The following TRPV1 variants were observed in gnomAD, a reference collection of about 807,000 sequenced individuals.
TRPV1 encodes the protein OTRPC1.
Under a neutral mutation model 82.3 loss-of-function variants are expected in TRPV1, and 82 were observed. The observed-to-expected ratio is 1.00, with a 90% confidence interval of 0.83 to 1.20. The LOEUF is 1.20. Ranked by LOEUF, TRPV1 falls within the 50% of genes most tolerant of loss-of-function variation. The pLI, the probability that TRPV1 is intolerant of heterozygous loss-of-function variation, is 0.00. For missense variants in TRPV1, 1,067 were observed against 1,096.8 expected (o/e 0.97, Z 0.38); for synonymous variants, 515 against 467.7 (o/e 1.10, Z -1.30).
intron 2 of TRPV1, among the ~76,000 whole-genome samples, chr17:3,601,083 TC>T (rs1234002595): frequency 6.6e-6 from 1 of 151,008 alleles, no homozygotes; most frequent in Non-Finnish European, 1.5e-5. Flanking sequence ...CCCCTCCCGC[TC>T]CCTGCAGCAG....
At chr17:3,580,183 T>C (rs161365) in intron 11 of TRPV1, among the ~76,000 whole-genome samples, 102,280 of 152,082 alleles carry the variant, frequency 0.67, 34,787 homozygotes, top group East Asian at 0.83. Context: ...ACCCCTCGAA[T>C]GGCAGATGGA....
At chr17:3,580,385 G>GT (rs2074990889) in intron 11 of TRPV1, 72 bp downstream of exon 11, 1 of 1,528,576 alleles carries the variant, frequency 6.5e-7, no homozygotes, top group Non-Finnish European at 9.1e-7. Flanking sequence ...CCCGGCGTGA[G>GT]TGAGACCTCA....
chr17:3,582,216 C>CAAAAAAAAAAAAAAAAAA (rs2075030380), intron 10 of TRPV1, among the ~76,000 whole-genome samples: 1 of 62,164 alleles, frequency 1.6e-5, no homozygotes, highest in East Asian at 1.1e-3. Flanking sequence ...AAAAAAAAAT[C>CAAAAAAAAAAAAAAAAAA]ACAGTGGAGC....
Position 3,571,654 on chromosome 17 carries a change from G to T in TRPV1, c.2232-15C>A, listed in dbSNP as rs916126854. 3 of 1,588,028 alleles carry T rather than the reference G, an allele frequency of 1.9e-6. No individual in the cohort carries two copies. Among genetic ancestry groups the T allele is most frequent in the African/African-American group, 2.7e-5 (2 of 74,554 alleles). On this transcript the variant is annotated splice_polypyrimidine_tract_variant and intron_variant, in intron 15 of 16. Transcript: ENST00000572705. Reference sequence around the variant, plus strand: ...CCTCGTCCACCCTGCAGGGTAAGGGGTCGGGAGAGCCTGAGAGCTGTGCCC... The same window carrying T: ...CCTCGTCCACCCTGCAGGGTAAGGGTTCGGGAGAGCCTGAGAGCTGTGCCC...
At chr17:3,568,190 C>T (rs1036220876) in intron 16 of TRPV1, among the ~76,000 whole-genome samples, 10 of 151,602 alleles carry the variant, frequency 6.6e-5, no homozygotes, top group East Asian at 1.9e-4. Flanking sequence ...GGCGTAGTGG[C>T]GGGCGCCTGT....
In TRPV1 at chr17:3,590,017, G is replaced by C. The variant is rs746741454; in HGVS notation, c.834C>G (p.Ile278Met). ...TGTTGCCCACCGAGTCCCTGGCGCTGATGTCGGCCGTCTGCCAGGAGTTCT... is the reference window on the plus strand; with the variant it reads ...TGTTGCCCACCGAGTCCCTGGCGCTCATGTCGGCCGTCTGCCAGGAGTTCT... Reference protein sequence around the residue: ...LLQNSWQTADISARDSVGNTV... With the variant: ...LLQNSWQTADMSARDSVGNTV... The change falls in exon 7 of 17, where the codon ATC becomes ATG. Residue 278 changes from isoleucine to methionine, a missense_variant. Physicochemically the swap from Ile to Met is conservative, Grantham distance 10 (BLOSUM62 1). Transcript: ENST00000572705. 6.4e-7 allele frequency: 1 copy of C among 1,567,064 alleles called. No homozygotes were observed. The highest frequency in any genetic ancestry group is 8.6e-7 in the Non-Finnish European group (1 of 1,156,574).
chr17:3,605,966 T>C (rs1268186652), intron 2 of TRPV1, among the ~76,000 whole-genome samples: 1 of 151,720 alleles, frequency 6.6e-6, no homozygotes, highest in African/African-American at 2.4e-5. Context: ...TTTATTTATT[T>C]ATTTATTTTA....
At chr17:3,602,186 T>C (rs2075268159) in intron 2 of TRPV1, 1 of 152,234 alleles carries the variant, frequency 6.6e-6, no homozygotes, top group African/African-American at 2.4e-5. Context: ...TAGTCTCGTC[T>C]GGAGCTTTCT....
At chr17:3,577,832 G>T in intron 11 of TRPV1, 69 bp from the exon 12 acceptor site, 1 of 1,471,136 alleles carries the variant, frequency 6.8e-7, no homozygotes, top group East Asian at 2.5e-5. Flanking sequence ...AGAACAAAAG[G>T]TCACAGGCCG....
intron 15 of TRPV1, 34 bp from the exon 16 acceptor site, chr17:3,571,673 T>G (rs200413717): frequency 6.5e-7 from 1 of 1,535,726 alleles, no homozygotes; most frequent in Non-Finnish European, 8.9e-7. Context: ...GCCTGAGAGC[T>G]GTGCCCAGCT....
intron 2 of TRPV1, among the ~76,000 whole-genome samples, chr17:3,596,565 C>T (rs1231683939): frequency 1.3e-5 from 2 of 152,194 alleles, no homozygotes; most frequent in African/African-American, 4.8e-5. Context: ...TGAAAACCTC[C>T]GGCCACACAC....
At chr17:3,571,674 G>C (rs778464477) in intron 15 of TRPV1, 35 bp from the exon 16 acceptor site, 2 of 1,534,374 alleles carry the variant, frequency 1.3e-6, no homozygotes, top group African/African-American at 1.4e-5. Flanking sequence ...CCTGAGAGCT[G>C]TGCCCAGCTT....
chr17:3,591,041 A>AG lies in TRPV1; in HGVS notation c.526dup (p.Leu176ProfsTer63). On this transcript the variant is annotated frameshift_variant, in exon 5 of 17. Transcript: ENST00000572705. LOFTEE classifies it high-confidence loss of function. ...CGTTTGCCGCGCGATCTCCAGGAGC[A>AG]GGGGGATGGTGGTGTTCTGTCCGTC... is the stretch of plus-strand genomic sequence containing the variant. 6.2e-7 allele frequency: 1 copy of AG among 1,612,892 alleles called. No homozygotes were observed. Among genetic ancestry groups the AG allele is most frequent in the Non-Finnish European group, 8.5e-7 (1 of 1,179,546 alleles).
rs766873024 is a variant in TRPV1, at chr17:3,573,924, A to T, written c.1812T>A (p.Asn604Lys). ...ACGTGGACTCAGACGGCAGGGAGTCATTCTTCCCGTCTTCAATCAGCGTCA... is the reference window on the plus strand; with the variant it reads ...ACGTGGACTCAGACGGCAGGGAGTCTTTCTTCCCGTCTTCAATCAGCGTCA... ...AVVTLIEDGK[N>K]DSLPSESTSH... Residue 604 changes from asparagine to lysine, a missense_variant, in exon 14 of 17, where the codon AAT becomes AAA. Physicochemically the swap from Asn to Lys is moderately conservative, Grantham distance 94. Transcript: ENST00000572705. 6.2e-7 allele frequency: 1 copy of T among 1,605,996 alleles called. No individual in the cohort carries two copies.
chr17:3,584,419 AAAT>A (rs1369746310), intron 9 of TRPV1, among the ~76,000 whole-genome samples: 4,933 of 24,970 alleles, frequency 0.2, 585 homozygotes, highest in Non-Finnish European at 0.26. Flanking sequence ...AAAAAAAATA[AAAT>A]AAAAAAAAAA....
chr17:3,574,902 A>T (rs1176939432), intron 13 of TRPV1, among the ~76,000 whole-genome samples: 1 of 142,726 alleles, frequency 7.0e-6, no homozygotes, highest in Non-Finnish European at 1.5e-5. Context: ...TGGGCGACAG[A>T]ACGAGACTCT....
Position 3,591,270 on chromosome 17 carries a change from G to A in TRPV1, c.368C>T (p.Ala123Val), listed in dbSNP as rs899645138. 1 of 1,613,346 alleles carries A rather than the reference G, an allele frequency of 6.2e-7. No homozygotes were observed. ...YDRRSIFEAVAQNNCQDLESL... is the reference protein window; with the variant it reads ...YDRRSIFEAVVQNNCQDLESL... ...CTCCAGATCCTGGCAGTTATTCTGA[G>A]CAACGGCTTCAAAGATACTCCTGCG... Residue 123 changes from alanine (A) to valine (V), a missense_variant, in exon 4 of 17, where the codon GCT becomes GTT. Physicochemically the swap from Ala to Val is moderately conservative, Grantham distance 64. Coordinates refer to ENST00000572705, the MANE Select transcript of TRPV1 (RefSeq NM_080704.4).
At chr17:3,567,369 C>CAAAAA (rs56391405) in intron 16 of TRPV1, among the ~76,000 whole-genome samples, 24 of 52,654 alleles carry the variant, frequency 4.6e-4, no homozygotes, top group Non-Finnish European at 6.1e-4. Context: ...AACTCCGTCT[C>CAAAAA]AAAAAAAAAA....
At chr17:3,574,035 G>T in intron 13 of TRPV1, 80 bp from the exon 14 acceptor site, 1 of 1,230,300 alleles carries the variant, frequency 8.1e-7, no homozygotes, top group Non-Finnish European at 1.1e-6. Context: ...CTCCTGCTCA[G>T]TCAGTCTCAA....
Sources: allele counts gnomAD v4.1 joint callset (sites outside exome capture counted in the v4.1 genomes callset), GRCh38; gene constraint gnomAD v4.1.1; transcripts MANE v1.5; gene names NCBI Gene and HGNC (gene_info 2026-07-23, HGNC 2026-07-21).